Variants in AFG1L observed in about 807,000 individuals in gnomAD.
AFG1L encodes the protein AFG1 like ATPase.
In AFG1L, 53 loss-of-function variants were observed where a neutral mutation model predicts 62.2. The observed-to-expected ratio is 0.85, with a 90% CI of 0.68 to 1.07. The LOEUF is 1.07. AFG1L is among the 50% of genes least tolerant of loss of function. The pLI is 0.00. For missense variants in AFG1L, 555 were observed against 590.5 expected, an observed-to-expected ratio of 0.94 and a Z score of 0.62; for synonymous variants, 228 against 210.3, an observed-to-expected ratio of 1.08 and a Z score of -0.73.
At chr6:108,378,807 G>A (rs1003163121) in intron 6 of AFG1L, among the ~76,000 whole-genome samples, 2 of 151,704 alleles carry the variant, frequency 1.3e-5, no homozygotes, top group Non-Finnish European at 2.9e-5. Context: ...TTTCATGCAC[G>A]TAGGATTTTT....
chr6:108,447,132 TA>T (rs1371868707), intron 7 of AFG1L, 81 bp from the exon 8 acceptor site: 4 of 580,460 alleles, frequency 6.9e-6, no homozygotes, highest in Non-Finnish European at 9.0e-6. Context: ...TGAAAAATTT[TA>T]AAAATGTATA....
intron 7 of AFG1L, among the ~76,000 whole-genome samples, chr6:108,409,268 A>G (rs1441250081): frequency 6.6e-6 from 1 of 152,200 alleles, no homozygotes; most frequent in Non-Finnish European, 1.5e-5. Flanking sequence ...TTATTTTTAT[A>G]ATGAAAACCA....
At chr6:108,323,276 C>T (rs1399254309) in intron 1 of AFG1L, among the ~76,000 whole-genome samples, 1 of 152,094 alleles carries the variant, frequency 6.6e-6, no homozygotes, top group Non-Finnish European at 1.5e-5. Flanking sequence ...AGGAATAGGC[C>T]TTCTGGAAGA....
At chr6:108,313,217 A>G (rs1010862141) in intron 1 of AFG1L, among the ~76,000 whole-genome samples, 5 of 152,150 alleles carry the variant, frequency 3.3e-5, no homozygotes, top group African/African-American at 1.2e-4. Flanking sequence ...TCCTTCCACT[A>G]TTATAACATC....
chr6:108,453,496 GAC>G (rs1283000453), intron 8 of AFG1L, among the ~76,000 whole-genome samples: 1 of 152,100 alleles, frequency 6.6e-6, no homozygotes, highest in Non-Finnish European at 1.5e-5. Flanking sequence ...CTGACAAAAA[GAC>G]ACACAGCTTC....
chr6:108,380,463 T>A (rs113127094), intron 6 of AFG1L, among the ~76,000 whole-genome samples: 4,331 of 152,258 alleles, frequency 0.028, 95 homozygotes, highest in Middle Eastern at 0.085. Flanking sequence ...TGGCTGCAAG[T>A]CTCGCCACCC....
At chr6:108,415,623 T>C (rs543250457) in intron 7 of AFG1L, among the ~76,000 whole-genome samples, 103 of 152,340 alleles carry the variant, frequency 6.8e-4, no homozygotes, top group African/African-American at 2.4e-3. Flanking sequence ...TCCACACATC[T>C]GCAACCATCT....
chr6:108,437,471 C>T (rs1360765258), intron 7 of AFG1L, among the ~76,000 whole-genome samples: 2 of 152,012 alleles, frequency 1.3e-5, no homozygotes, highest in African/African-American at 4.8e-5. Flanking sequence ...AAGAGGCAGT[C>T]CCACTGTCTT....
intron 7 of AFG1L, among the ~76,000 whole-genome samples, chr6:108,438,379 A>G (rs2114729213): frequency 6.6e-6 from 1 of 152,266 alleles, no homozygotes; most frequent in African/African-American, 2.4e-5. Flanking sequence ...TGTGGGGTAC[A>G]CACATAACTG....
chr6:108,326,413 C>T (rs1437074876), intron 2 of AFG1L, among the ~76,000 whole-genome samples: 1 of 152,118 alleles, frequency 6.6e-6, no homozygotes, highest in South Asian at 2.1e-4. Context: ...TTTCCCTGGT[C>T]ATCAGCTTTG....
chr6:108,403,267 A>G (rs57518576), intron 7 of AFG1L, among the ~76,000 whole-genome samples: 15,198 of 152,196 alleles, frequency 0.1, 1,089 homozygotes, highest in African/African-American at 0.2. Flanking sequence ...ATCTGAAGAA[A>G]GGATAAAGAA....
chr6:108,481,918 C>T (rs1773333495), intron 10 of AFG1L, among the ~76,000 whole-genome samples: 1 of 152,142 alleles, frequency 6.6e-6, no homozygotes, highest in African/African-American at 2.4e-5. Flanking sequence ...GTTTGACAGA[C>T]ATTTTCTTGA....
At chr6:108,504,054 A>G (rs1774302351) in intron 10 of AFG1L, among the ~76,000 whole-genome samples, 1 of 152,236 alleles carries the variant, frequency 6.6e-6, no homozygotes, top group Non-Finnish European at 1.5e-5. Flanking sequence ...GGCTGGTCTG[A>G]TCTTCTATCT....
At chr6:108,301,301 C>A (rs1776989384) in intron 1 of AFG1L, among the ~76,000 whole-genome samples, 3 of 152,112 alleles carry the variant, frequency 2.0e-5, no homozygotes, top group Non-Finnish European at 4.4e-5. Flanking sequence ...GGAATGCAGC[C>A]CACCAAGTCT....
At chr6:108,296,328 C>A (rs1776765614) in intron 1 of AFG1L, among the ~76,000 whole-genome samples, 2 of 152,016 alleles carry the variant, frequency 1.3e-5, no homozygotes, top group East Asian at 3.8e-4. Flanking sequence ...GTAGTGTAAG[C>A]TGTGGATTAT....
rs571420127 is a variant in AFG1L, at chr6:108,441,295, A to G, written c.808-5919A>G. ...GGGACAATATAAACTGCTTTAATAC[A>G]GTTCCTTTAGTCATACATTTTTCTT... On this transcript the variant is annotated intron_variant, in intron 7 of 12. Coordinates refer to ENST00000368977, the MANE Select transcript of AFG1L (RefSeq NM_145315.5). 2.0e-5 allele frequency among the ~76,000 whole-genome samples: 3 copies of G among 152,292 alleles called. No homozygotes were observed. In the South Asian group the frequency reaches 6.2e-4, roughly 32 times the overall value.
At position 108,366,095 on chromosome 6, in the gene AFG1L, TCTA is replaced by T. The variant is rs1257452865; in HGVS notation, c.649-135_649-133del. ...ATACAGTGTTTCATGCTTTTAATTA[TCTA>T]CTCTTTTCTTCATGATGATAATTAG... is the stretch of plus-strand genomic sequence containing the variant. On this transcript the variant is annotated intron_variant, in intron 5 of 12. Coordinates refer to ENST00000368977, the MANE Select transcript of AFG1L (RefSeq NM_145315.5). 7.2e-6 allele frequency: 4 copies of T among 559,088 alleles called. No homozygotes were observed. The African/African-American group carries it at 7.5e-5, about 10-fold the overall frequency. 34.6% of individuals were successfully genotyped at this position (559,088 alleles called of 1,614,324 possible). A position where few individuals can be genotyped will look rare whatever the true frequency, so the allele number is the denominator to read the frequency against.
chr6:108,351,483 T>A (rs2114439201), intron 3 of AFG1L, among the ~76,000 whole-genome samples: 1 of 152,334 alleles, frequency 6.6e-6, no homozygotes, highest in South Asian at 2.1e-4. Context: ...CTTTAGGATT[T>A]TTTTGTGTGT....
At chr6:108,448,885 C>T (rs1771928178) in intron 8 of AFG1L, among the ~76,000 whole-genome samples, 1 of 152,090 alleles carries the variant, frequency 6.6e-6, no homozygotes, top group African/African-American at 2.4e-5. Flanking sequence ...CACAATGGCT[C>T]ATGCCTATAA....
Sources: gnomAD v4.1 joint callset for allele counts (sites outside exome capture counted in the v4.1 genomes callset) on GRCh38, gnomAD v4.1.1 for gene constraint, MANE v1.5 for transcripts, NCBI Gene and HGNC (gene_info 2026-07-23, HGNC 2026-07-21) for gene names.